MMRN1: variants seen among roughly 807,000 people sequenced by gnomAD.
The protein encoded by MMRN1 is multimerin 1.
MMRN1 carries 94 observed loss-of-function variants against 100.7 expected under a neutral mutation model. That is an observed-to-expected ratio of 0.93 (90% CI 0.79 to 1.11). The LOEUF is 1.11. Among genes scored for constraint, MMRN1 ranks in the 50% least tolerant of loss-of-function variants. MMRN1 has a pLI of 0.00. For synonymous variants in MMRN1, 575 were observed against 505.0 expected, an observed-to-expected ratio of 1.14 and a Z score of -1.86; for missense variants, 1,606 against 1,439.1, an observed-to-expected ratio of 1.12 and a Z score of -1.88.
Position 89,919,577 on chromosome 4 carries a change from A to T in MMRN1, c.851-3591A>T, listed in dbSNP as rs558009692. Among the ~76,000 whole-genome samples the T allele has an allele frequency of 1.8e-3, 275 of 151,764 alleles. 1 individual carries two copies. Among genetic ancestry groups the T allele is most frequent in the Admixed American group, 4.6e-3 (70 of 15,222 alleles). On this transcript the variant is annotated intron_variant, in intron 3 of 7. Coordinates refer to ENST00000264790, the MANE Select transcript of MMRN1 (RefSeq NM_007351.3). ...AACTTATTTATTTTATATTGAATTT[A>T]TTTTTTATAATTATTTGGTATTATT...
At chr4:89,919,046 A>G (rs1221225817) in intron 3 of MMRN1, among the ~76,000 whole-genome samples, 1 of 151,704 alleles carries the variant, frequency 6.6e-6, no homozygotes, top group African/African-American at 2.4e-5. Flanking sequence ...TTTTCTAAGA[A>G]GTTGTCTTAC....
chr4:89,952,172 C>T (rs1042184501), intron 7 of MMRN1, among the ~76,000 whole-genome samples: 2 of 152,100 alleles, frequency 1.3e-5, no homozygotes, highest in African/African-American at 2.4e-5. Flanking sequence ...CTTAGTAACA[C>T]GTTTTCTGTG....
Position 89,953,265 on chromosome 4 carries a change from C to T in MMRN1, c.3534C>T (p.Asn1178=). 1 of 1,613,870 alleles carries T rather than the reference C, an allele frequency of 6.2e-7. No individual in the cohort carries two copies. Residue 1178 remains asparagine (N), a synonymous_variant, in exon 8 of 8, where the codon AAC becomes AAT. Coordinates refer to ENST00000264790, the MANE Select transcript of MMRN1 (RefSeq NM_007351.3). ...TTGCATTTGAGTCTGAAAATATTAACAGTGAAATACACTGTGATAGGGTTT... is the reference window on the plus strand; with the variant it reads ...TTGCATTTGAGTCTGAAAATATTAATAGTGAAATACACTGTGATAGGGTTT... ...DKLAFESENI[N]SEIHCDRVLT... is the part of the protein sequence containing the mutation.
intron 4 of MMRN1, among the ~76,000 whole-genome samples, chr4:89,926,345 A>C (rs1304255669): frequency 6.6e-6 from 1 of 151,752 alleles, no homozygotes; most frequent in Admixed American, 6.6e-5. Context: ...ATGATATCGC[A>C]TAGTAGTTTT....
chr4:89,890,248 TTC>T (rs56723981), upstream of MMRN1, among the ~76,000 whole-genome samples: 3,256 of 151,290 alleles, frequency 0.022, 46 homozygotes, highest in Middle Eastern at 0.065. Flanking sequence ...TTTTTTTTTT[TTC>T]CCCTGTGCTC....
chr4:89,928,944 A>T (rs2110623877), intron 5 of MMRN1, among the ~76,000 whole-genome samples: 1 of 152,260 alleles, frequency 6.6e-6, no homozygotes, highest in Admixed American at 6.5e-5. Context: ...ACAGAGATTT[A>T]TGTATAGTGA....
chr4:89,930,008 G>A (rs974963707), intron 5 of MMRN1, among the ~76,000 whole-genome samples: 6 of 152,238 alleles, frequency 3.9e-5, no homozygotes, highest in Admixed American at 2.6e-4. Context: ...TACAGAAGGT[G>A]AATGCTAAGG....
At chr4:89,928,323 T>G (rs1445342793) in intron 5 of MMRN1, among the ~76,000 whole-genome samples, 1 of 152,166 alleles carries the variant, frequency 6.6e-6, no homozygotes, top group Non-Finnish European at 1.5e-5. Context: ...AGATAGCTAG[T>G]TGCATGGTTG....
Position 89,935,076 on chromosome 4 carries a change from G to A in MMRN1, c.1396G>A (p.Val466Ile). The A allele has an allele frequency of 6.2e-7, 1 of 1,613,718 alleles. No individual in the cohort carries two copies. The highest frequency in any genetic ancestry group is 8.5e-7 in the Non-Finnish European group (1 of 1,179,784). Residue 466 changes from valine (V) to isoleucine (I), a missense_variant, in exon 6 of 8, where the codon GTA (valine) becomes ATA (isoleucine). By Grantham distance (29) the Val-to-Ile change is conservative. Transcript: ENST00000264790. The part of the protein sequence containing the change: ...IVELRNHIVN[V>I]RQEMTLTCEK... ...GGAACTAAGGAATCACATTGTGAAT[G>A]TAAGGCAAGAAATGACTCTTACATG...
At chr4:89,918,562 C>T (rs1056080199) in intron 3 of MMRN1, among the ~76,000 whole-genome samples, 1 of 151,774 alleles carries the variant, frequency 6.6e-6, no homozygotes, top group South Asian at 2.1e-4. Context: ...CTCTCCCTCT[C>T]GTCTACTTTT....
At chr4:89,919,889 G>C (rs953840321) in intron 3 of MMRN1, among the ~76,000 whole-genome samples, 1 of 152,094 alleles carries the variant, frequency 6.6e-6, no homozygotes, top group Admixed American at 6.6e-5. Context: ...AAAATAAATT[G>C]AGCATCAAAC....
In MMRN1 at chr4:89,923,011, A is replaced by G. The variant is rs113856857; in HGVS notation, c.851-157A>G. On this transcript the variant is annotated intron_variant, in intron 3 of 7. Transcript: ENST00000264790. Reference sequence around the variant, plus strand: ...CTCCAATGTGGTGTTGCATTGCCCTATGGTTGGGGGCGGAGCAGCTTACTC... The same window carrying G: ...CTCCAATGTGGTGTTGCATTGCCCTGTGGTTGGGGGCGGAGCAGCTTACTC... Among the ~76,000 whole-genome samples, 908 of 152,138 alleles carry G rather than the reference A, an allele frequency of 6.0e-3. 7 individuals are homozygous for G. Among genetic ancestry groups the G allele is most frequent in the African/African-American group, 0.021 (865 of 41,502 alleles).
chr4:89,908,262 GA>G (rs1243107995), intron 1 of MMRN1, among the ~76,000 whole-genome samples: 2 of 151,318 alleles, frequency 1.3e-5, no homozygotes, highest in Non-Finnish European at 3.0e-5. Flanking sequence ...CCCAACATCT[GA>G]AAACTGTTGC....
At chr4:89,934,753 G>T in intron 5 of MMRN1, 57 bp from the exon 6 acceptor site, 2 of 987,088 alleles carry the variant, frequency 2.0e-6, no homozygotes, top group Non-Finnish European at 1.4e-6. Flanking sequence ...ATCTTTTAGA[G>T]ATGCTTAAAG....
chr4:89,894,780 C>T, upstream of MMRN1: 2 of 1,001,614 alleles, frequency 2.0e-6, no homozygotes, highest in Non-Finnish European at 2.8e-6. Flanking sequence ...GGTCACAGAT[C>T]ACAAAAACCC....
chr4:89,952,998 T>G lies in MMRN1; in HGVS notation c.3267T>G (p.Asp1089Glu). ...TCTTGCCATTTTTTCCTCTAACAGA[T>G]TTTTCCAAAGGATCTTACAGATATG... ...KLVEENALAPDFSKGSYRYAP... is the reference protein window; with the variant it reads ...KLVEENALAPEFSKGSYRYAP... The change falls in exon 8 of 8, where the codon GAT becomes GAG. Residue 1089 changes from aspartate to glutamate, a missense_variant and splice_region_variant. Asp to Glu is a conservative substitution (Grantham distance 45, BLOSUM62 2). Coordinates refer to ENST00000264790, the MANE Select transcript of MMRN1 (RefSeq NM_007351.3). The G allele has an allele frequency of 1.9e-6, 3 of 1,554,688 alleles. No individual in the cohort carries two copies. Among genetic ancestry groups the G allele is most frequent in the Non-Finnish European group, 2.6e-6 (3 of 1,151,030 alleles).
upstream of MMRN1, among the ~76,000 whole-genome samples, chr4:89,892,724 A>G (rs991030339): frequency 6.6e-6 from 1 of 152,006 alleles, no homozygotes; most frequent in South Asian, 2.1e-4. Flanking sequence ...TCAATACCTT[A>G]TAAGTGGTTA....
intron 1 of MMRN1, among the ~76,000 whole-genome samples, 197 bp downstream of exon 1, chr4:89,895,791 A>G (rs1721187362): frequency 6.6e-6 from 1 of 152,148 alleles, no homozygotes; most frequent in Non-Finnish European, 1.5e-5. Flanking sequence ...AAAATGCAGC[A>G]ATTTTGTTTT....
intron 1 of MMRN1, among the ~76,000 whole-genome samples, chr4:89,899,770 C>A (rs1389398987): frequency 6.6e-6 from 1 of 151,938 alleles, no homozygotes; most frequent in Non-Finnish European, 1.5e-5. Flanking sequence ...TGGTTTTTAT[C>A]TAATCTATCA....
Sources: gnomAD v4.1 joint callset for allele counts (sites outside exome capture counted in the v4.1 genomes callset) on GRCh38, gnomAD v4.1.1 for gene constraint, MANE v1.5 for transcripts, NCBI Gene and HGNC (gene_info 2026-07-23, HGNC 2026-07-21) for gene names.